The following PPP2R3A variants were observed in gnomAD, a reference collection of about 807,000 sequenced individuals.
The protein encoded by PPP2R3A is protein phosphatase 2 regulatory subunit B''alpha, also known as serine/threonine-protein phosphatase 2A regulatory subunit B'' subunit alpha.
A neutral mutation model predicts 106.9 loss-of-function variants in PPP2R3A; 80 were observed. The ratio of observed to expected loss-of-function variants is 0.75; its 90% CI spans 0.62 to 0.90. The LOEUF (loss-of-function observed/expected upper bound fraction) is 0.90. Ranked by LOEUF, PPP2R3A falls within the 40% of genes least tolerant of loss-of-function variation. The pLI is 0.00. For synonymous variants in PPP2R3A, 483 were observed against 468.3 expected (o/e 1.03, Z -0.41); for missense variants, 1,386 against 1,350.4 (o/e 1.03, Z -0.41).
chr3:136,106,427 A>G (rs1937518201), intron 13 of PPP2R3A, 105 bp downstream of exon 13: 1 of 980,076 alleles, frequency 1.0e-6, no homozygotes, highest in Non-Finnish European at 1.5e-6. Flanking sequence ...CCATTTTTGA[A>G]TAGCATAAAA....
At chr3:136,113,703 A>C (rs1360975747) in intron 13 of PPP2R3A, among the ~76,000 whole-genome samples, 1 of 152,032 alleles carries the variant, frequency 6.6e-6, no homozygotes, top group Non-Finnish European at 1.5e-5. Context: ...GCTGAGGCAC[A>C]AGAAGCACTT....
At chr3:136,032,842 C>T (rs924264012) in intron 3 of PPP2R3A, among the ~76,000 whole-genome samples, 7 of 152,192 alleles carry the variant, frequency 4.6e-5, no homozygotes, top group Non-Finnish European at 1.5e-5. Context: ...CCGACTTCCT[C>T]TTTATTGATT....
chr3:136,054,293 C>T (rs963868500), intron 5 of PPP2R3A, among the ~76,000 whole-genome samples: 35 of 147,922 alleles, frequency 2.4e-4, no homozygotes, highest in African/African-American at 8.8e-4. Flanking sequence ...GGAGGCTCGC[C>T]CTGTCGCCAG....
intron 13 of PPP2R3A, among the ~76,000 whole-genome samples, chr3:136,128,508 G>C (rs1365716308): frequency 2.0e-5 from 3 of 152,174 alleles, no homozygotes; most frequent in Admixed American, 1.3e-4. Flanking sequence ...GGAGCACCCA[G>C]ATTCATAAAG....
At chr3:136,116,722 G>A (rs1291338476) in intron 13 of PPP2R3A, among the ~76,000 whole-genome samples, 1 of 152,128 alleles carries the variant, frequency 6.6e-6, no homozygotes, top group Non-Finnish European at 1.5e-5. Flanking sequence ...CCCAATACAG[G>A]AGCACCCAGA....
At chr3:135,970,573 AAGATGGAGTCTTTGACCTC>A (rs994759348) in intron 1 of PPP2R3A, among the ~76,000 whole-genome samples, 4 of 152,218 alleles carry the variant, frequency 2.6e-5, no homozygotes, top group Admixed American at 6.5e-5. Context: ...TGAATTTAGC[AAGATGGAGTCTTTGACCTC>A]AGCAAGAACC....
intron 10 of PPP2R3A, among the ~76,000 whole-genome samples, chr3:136,096,182 G>C (rs1376595677): frequency 1.3e-5 from 2 of 152,122 alleles, no homozygotes; most frequent in African/African-American, 4.8e-5. Flanking sequence ...TCACCCCATT[G>C]TAAAGTCAAA....
intron 13 of PPP2R3A, among the ~76,000 whole-genome samples, chr3:136,127,928 A>C (rs1938245505): frequency 6.6e-6 from 1 of 152,206 alleles, no homozygotes; most frequent in African/African-American, 2.4e-5. Context: ...TCATAAGTGA[A>C]GGAGAAAGAA....
At chr3:136,062,910 G>A (rs927626431) in intron 5 of PPP2R3A, among the ~76,000 whole-genome samples, 8 of 152,096 alleles carry the variant, frequency 5.3e-5, no homozygotes, top group Non-Finnish European at 1.2e-4. Flanking sequence ...CACAGAACTG[G>A]AAACAACTAC....
chr3:136,099,314 C>T (rs1038888298), intron 10 of PPP2R3A, among the ~76,000 whole-genome samples: 1 of 151,994 alleles, frequency 6.6e-6, no homozygotes, highest in Admixed American at 6.6e-5. Flanking sequence ...TCACTAGATA[C>T]CTGAGTAAAG....
chr3:136,022,924 T>A (rs1934514966), intron 2 of PPP2R3A: 2 of 1,462,486 alleles, frequency 1.4e-6, no homozygotes, highest in Non-Finnish European at 1.8e-6. Flanking sequence ...CTGTGGAGGC[T>A]GGGAGAGCAC....
intron 2 of PPP2R3A, among the ~76,000 whole-genome samples, chr3:136,014,476 T>G (rs567361506): frequency 6.6e-5 from 10 of 152,302 alleles, no homozygotes; most frequent in African/African-American, 1.7e-4. Context: ...TTCCATTTGT[T>G]TATGTCATCT....
At chr3:136,088,604 A>G (rs986745922) in intron 9 of PPP2R3A, among the ~76,000 whole-genome samples, 1 of 152,178 alleles carries the variant, frequency 6.6e-6, no homozygotes, top group African/African-American at 2.4e-5. Flanking sequence ...TCCTTTGGGT[A>G]TATACCCAGT....
At position 136,005,307 on chromosome 3, in the gene PPP2R3A, A is replaced by G. The variant is rs74552439; in HGVS notation, c.1995+1814A>G. On this transcript the variant is annotated intron_variant, in intron 2 of 13. Transcript: ENST00000264977. ...TATGCAGATATTCCAAAATCCAAAAAAATTCTAAATCTAAAACACTTCTAG... is the reference window on the plus strand; with the variant it reads ...TATGCAGATATTCCAAAATCCAAAAGAATTCTAAATCTAAAACACTTCTAG... Among the ~76,000 whole-genome samples the G allele has an allele frequency of 7.2e-3, 1,100 of 152,306 alleles. 32 individuals carry two copies. The highest frequency in any genetic ancestry group is 0.057 in the East Asian group (298 of 5,190).
intron 6 of PPP2R3A, among the ~76,000 whole-genome samples, chr3:136,072,369 A>G (rs1273217351): frequency 6.6e-6 from 1 of 152,186 alleles, no homozygotes; most frequent in East Asian, 1.9e-4. Flanking sequence ...AGGCAGACAG[A>G]TTACTTGAGG....
At chr3:136,049,399 T>C in intron 5 of PPP2R3A, 38 bp downstream of exon 5, 1 of 1,482,360 alleles carries the variant, frequency 6.7e-7, no homozygotes, top group South Asian at 1.2e-5. Context: ...GTTCTAATTT[T>C]GGAGTTTCAG....
chr3:136,026,246 A>G (rs1405112749), intron 2 of PPP2R3A, among the ~76,000 whole-genome samples: 2 of 152,198 alleles, frequency 1.3e-5, no homozygotes, highest in Non-Finnish European at 1.5e-5. Flanking sequence ...CTAGTGGCAA[A>G]TAAATCAGCC....
chr3:135,985,581 T>TG (rs1932887286), intron 1 of PPP2R3A, among the ~76,000 whole-genome samples: 1 of 152,168 alleles, frequency 6.6e-6, no homozygotes, highest in Non-Finnish European at 1.5e-5. Flanking sequence ...ACCTAATGTA[T>TG]AACCGTTCCT....
intron 5 of PPP2R3A, among the ~76,000 whole-genome samples, chr3:136,066,356 A>G (rs1360846080): frequency 1.3e-5 from 2 of 152,206 alleles, no homozygotes; most frequent in Non-Finnish European, 2.9e-5. Context: ...AAACAAATAT[A>G]GCTTCAAGAT....
Sources: allele counts gnomAD v4.1 joint callset (sites outside exome capture counted in the v4.1 genomes callset), GRCh38; gene constraint gnomAD v4.1.1; transcripts MANE v1.5; gene names NCBI Gene and HGNC (gene_info 2026-07-23, HGNC 2026-07-21).